SLC25A15: variants seen among roughly 807,000 people sequenced by gnomAD.
The protein encoded by SLC25A15 is solute carrier family 25 member 15, also known as mitochondrial ornithine transporter 1.
Under a neutral mutation model 32.3 loss-of-function variants are expected in SLC25A15, and 24 were observed. The observed-to-expected ratio is 0.74, with a 90% CI of 0.54 to 1.04. The LOEUF is 1.04. Among genes scored for constraint, SLC25A15 ranks in the 50% least tolerant of loss-of-function variants. The pLI is 0.00. For synonymous variants in SLC25A15, 132 were observed against 142.1 expected (o/e 0.93, Z 0.51); for missense variants, 317 against 374.5 (o/e 0.85, Z 1.27).
chr13:40,790,949 G>A lies in SLC25A15; in HGVS notation c.-70+1286G>A, dbSNP rs183696979. 4.4e-3 allele frequency among the ~76,000 whole-genome samples: 675 copies of A among 152,226 alleles called. 3 individuals carry two copies. The highest frequency in any genetic ancestry group is 6.8e-3 in the South Asian group (33 of 4,822). ...TAACAGGGTTTAATTCTTAGGGACAGATAGAATGTAATGTGATGTGACTTT... is the reference window on the plus strand; with the variant it reads ...TAACAGGGTTTAATTCTTAGGGACAAATAGAATGTAATGTGATGTGACTTT... On this transcript the variant is annotated intron_variant, in intron 1 of 6. Coordinates refer to ENST00000338625, the MANE Select transcript of SLC25A15 (RefSeq NM_014252.4).
chr13:40,802,612 G>C (rs1387185691), intron 3 of SLC25A15, among the ~76,000 whole-genome samples: 1 of 146,576 alleles, frequency 6.8e-6, no homozygotes, highest in Non-Finnish European at 1.5e-5. Flanking sequence ...GTCTCACTCT[G>C]TCGCCCAGGC....
intron 3 of SLC25A15, among the ~76,000 whole-genome samples, chr13:40,804,850 C>G (rs903833967): frequency 3.3e-5 from 5 of 151,990 alleles, no homozygotes; most frequent in Non-Finnish European, 4.4e-5. Flanking sequence ...GCGCCCGGCC[C>G]TTTCATCATT....
At position 40,793,254 on chromosome 13, in the gene SLC25A15, G is replaced by A; in HGVS notation, c.28G>A (p.Ala10Thr). ...GAAATCCAATCCTGCTATCCAGGCT[G>A]CCATTGACCTCACAGCGGGGGCTGC... MKSNPAIQA[A>T]IDLTAGAAGG... is the part of the protein sequence containing the mutation. The change falls in exon 2 of 7, where the codon GCC becomes ACC. Residue 10 changes from alanine (A) to threonine (T), a missense_variant. Coordinates refer to ENST00000338625, the MANE Select transcript of SLC25A15 (RefSeq NM_014252.4). 1 of 1,614,102 alleles carries A rather than the reference G, an allele frequency of 6.2e-7. No individual in the cohort carries two copies. Among genetic ancestry groups the A allele is most frequent in the East Asian group, 2.2e-5 (1 of 44,880 alleles).
At chr13:40,805,765 T>C (rs1032578039) in intron 4 of SLC25A15, among the ~76,000 whole-genome samples, 2 of 152,194 alleles carry the variant, frequency 1.3e-5, no homozygotes, top group Admixed American at 1.3e-4. Context: ...TCTGAGAACA[T>C]TAATCAATAC....
intron 2 of SLC25A15, chr13:40,798,695 A>G (rs1278236514): frequency 4.6e-6 from 4 of 877,418 alleles, no homozygotes; most frequent in African/African-American, 1.8e-5. Flanking sequence ...GTGAGGTGGC[A>G]TGGATGAGGA....
Position 40,809,873 on chromosome 13 carries a change from G to A in SLC25A15, c.*206G>A, listed in dbSNP as rs1882374396. 1 of 585,872 alleles carries A rather than the reference G, an allele frequency of 1.7e-6. No individual in the cohort carries two copies. 36.3% of individuals were successfully genotyped at this position (585,872 alleles called of 1,614,324 possible). A position where few individuals can be genotyped will look rare whatever the true frequency, so the allele number is the denominator to read the frequency against. The stretch of plus-strand genomic sequence containing the variant: ...TTCTGTCCATAATTGTACTGAAATA[G>A]AAAAGTGACCGCTCTTGCTCTTGGT... On this transcript the variant is annotated 3_prime_UTR_variant, in exon 7 of 7. Transcript: ENST00000338625.
At chr13:40,794,818 A>G (rs1566119823) in intron 2 of SLC25A15, among the ~76,000 whole-genome samples, 1 of 151,170 alleles carries the variant, frequency 6.6e-6, no homozygotes, top group Non-Finnish European at 1.5e-5. Flanking sequence ...GCAGATGAGT[A>G]TGGTCATGAA....
chr13:40,800,282 G>A (rs1881829282), intron 3 of SLC25A15, among the ~76,000 whole-genome samples: 1 of 152,100 alleles, frequency 6.6e-6, no homozygotes, highest in South Asian at 2.1e-4. Context: ...TTTTAAAAAG[G>A]CTTGGGACTA....
intron 1 of SLC25A15, among the ~76,000 whole-genome samples, chr13:40,790,419 T>C (rs1053625291): frequency 6.6e-6 from 1 of 152,190 alleles, no homozygotes; most frequent in African/African-American, 2.4e-5. Context: ...AGCTCATAAA[T>C]CAATTTTAAT....
intron 3 of SLC25A15, 47 bp downstream of exon 3, chr13:40,799,362 C>A: frequency 2.5e-6 from 4 of 1,612,374 alleles, no homozygotes; most frequent in Non-Finnish European, 3.4e-6. Context: ...AAAAACCCCA[C>A]AAAACTGGCA....
rs1295342650 is a variant in SLC25A15 at position 40,807,404 on chromosome 13, T to C, written c.563T>C (p.Phe188Ser). ...LREVPGYFFF[F>S]GGYELSRSFF... Reference sequence around the variant, plus strand: ...GAAGTACCAGGCTATTTCTTCTTCTTCGGTGGCTATGAACTGAGCCGGTCC... The same window carrying C: ...GAAGTACCAGGCTATTTCTTCTTCTCCGGTGGCTATGAACTGAGCCGGTCC... The change falls in exon 5 of 7, where the codon TTC becomes TCC. Residue 188 changes from phenylalanine to serine, a missense_variant. Transcript: ENST00000338625. 1 of 1,614,228 alleles carries C rather than the reference T, an allele frequency of 6.2e-7. No homozygotes were observed. The highest frequency in any genetic ancestry group is 1.7e-5 in the Admixed American group (1 of 60,020).
Position 40,809,992 on chromosome 13 carries a change from C to A in SLC25A15, c.*325C>A. ...TTACGTAAACCTCCACTTGTACATG[C>A]AATTTGGACAGTTATGTGTTGAGGG... On this transcript the variant is annotated 3_prime_UTR_variant, in exon 7 of 7. Coordinates refer to ENST00000338625, the MANE Select transcript of SLC25A15 (RefSeq NM_014252.4). 2.7e-6 allele frequency: 1 copy of A among 369,738 alleles called. No homozygotes were observed. Among genetic ancestry groups the A allele is most frequent in the South Asian group, 2.3e-5 (1 of 42,834 alleles). The allele number at this position is 369,738 out of a possible 1,614,324, so 22.9% of individuals were successfully genotyped here. A position where few individuals can be genotyped will look rare whatever the true frequency, so the allele number is the denominator to read the frequency against.
chr13:40,794,918 C>T (rs1881621480), intron 2 of SLC25A15, among the ~76,000 whole-genome samples: 1 of 152,174 alleles, frequency 6.6e-6, no homozygotes, highest in African/African-American at 2.4e-5. Context: ...AAAGGTCAGC[C>T]AGGGTATGCT....
At chr13:40,805,753 G>T (rs1937695393) in intron 4 of SLC25A15, among the ~76,000 whole-genome samples, 1 of 152,172 alleles carries the variant, frequency 6.6e-6, no homozygotes, top group African/African-American at 2.4e-5. Flanking sequence ...GATGGCCCAA[G>T]TTCTGAGAAC....
At position 40,794,692 on chromosome 13, in the gene SLC25A15, C is replaced by A. The variant is rs534506953; in HGVS notation, c.55+1411C>A. On this transcript the variant is annotated intron_variant, in intron 2 of 6. Transcript: ENST00000338625. Reference sequence around the variant, plus strand: ...TGATTGCCCAAAGGAAAACCCTGGACTACCCTGGGCTCCCGCAGGATTCTC... The same window carrying A: ...TGATTGCCCAAAGGAAAACCCTGGAATACCCTGGGCTCCCGCAGGATTCTC... Among the ~76,000 whole-genome samples, 9 of 152,298 alleles carry A rather than the reference C, an allele frequency of 5.9e-5. No homozygotes were observed. The South Asian group carries it at 1.9e-3, about 32-fold the overall frequency.
intron 1 of SLC25A15, among the ~76,000 whole-genome samples, 151 bp from the exon 2 acceptor site, chr13:40,793,007 A>G (rs774035352): frequency 6.6e-6 from 1 of 152,218 alleles, no homozygotes; most frequent in Non-Finnish European, 1.5e-5. Context: ...GCAGTTGCTA[A>G]GCTGCACTGA....
At chr13:40,797,647 T>G (rs1812278548) in intron 2 of SLC25A15, among the ~76,000 whole-genome samples, 1 of 152,204 alleles carries the variant, frequency 6.6e-6, no homozygotes, top group South Asian at 2.1e-4. Context: ...TGCTTGTTGC[T>G]TAAAAAAGAG....
chr13:40,807,763 C>T (rs911289388), intron 5 of SLC25A15, among the ~76,000 whole-genome samples: 1 of 152,232 alleles, frequency 6.6e-6, no homozygotes, highest in African/African-American at 2.4e-5. Flanking sequence ...CCAGAAATTA[C>T]TTTCCCAATT....
rs1294598092 is a variant in SLC25A15, at chr13:40,793,138, GA to G, written c.-69-18del. ...GATGCTGCAGACTTGGACTAATGGT[GA>G]ACTCTTGCCTCCCCCCAGGGATATG... On this transcript the variant is annotated intron_variant, in intron 1 of 6. Coordinates refer to ENST00000338625, the MANE Select transcript of SLC25A15 (RefSeq NM_014252.4). The G allele has an allele frequency of 7.5e-7, 1 of 1,337,258 alleles. No individual in the cohort carries two copies. Among genetic ancestry groups the G allele is most frequent in the Non-Finnish European group, 1.1e-6 (1 of 934,850 alleles). The allele number at this position is 1,337,258 out of a possible 1,614,324, so 82.8% of individuals were successfully genotyped here. A position where few individuals can be genotyped will look rare whatever the true frequency, so the allele number is the denominator to read the frequency against.
Sources: gnomAD v4.1 joint callset for allele counts (sites outside exome capture counted in the v4.1 genomes callset) on GRCh38, gnomAD v4.1.1 for gene constraint, MANE v1.5 for transcripts, NCBI Gene and HGNC (gene_info 2026-07-23, HGNC 2026-07-21) for gene names.